The following TEK variants were observed in gnomAD, a reference collection of about 807,000 sequenced individuals.
The protein encoded by TEK is angiopoietin-1 receptor.
A neutral mutation model predicts 131.8 loss-of-function variants in TEK; 43 were observed. The observed-to-expected ratio is 0.33, with a 90% CI of 0.26 to 0.42. The LOEUF is 0.42. Among genes scored for constraint, TEK ranks in the 10% least tolerant of loss-of-function variants. The pLI is 1.00. For missense variants in TEK, 1,162 were observed against 1,384.4 expected, an observed-to-expected ratio of 0.84 and a Z score of 2.55; for synonymous variants, 580 against 491.6, an observed-to-expected ratio of 1.18 and a Z score of -2.38.
At chr9:27,136,653 C>T (rs1018242245) in intron 1 of TEK, among the ~76,000 whole-genome samples, 18 of 151,924 alleles carry the variant, frequency 1.2e-4, no homozygotes, top group East Asian at 1.9e-4. Flanking sequence ...ACTGAACTGA[C>T]GACTGGAGAC....
intron 21 of TEK, among the ~76,000 whole-genome samples, chr9:27,224,088 A>G (rs1826204733): frequency 6.6e-6 from 1 of 152,244 alleles, no homozygotes; most frequent in South Asian, 2.1e-4. Context: ...GTCGAAGACC[A>G]GTAACAAGTT....
In TEK at chr9:27,228,175, G is replaced by A. The variant is rs190765645; in HGVS notation, c.3201-31G>A. 173 of 1,575,640 alleles carry A rather than the reference G, an allele frequency of 1.1e-4. No individual in the cohort carries two copies. The East Asian group carries it at 2.7e-3, about 24-fold the overall frequency. ...TGCCTAGGACTGAAGCACAGTTATA[G>A]AATTAACCCTTTAATTCTTTGCTTT... On this transcript the variant is annotated intron_variant, in intron 21 of 22. Coordinates refer to ENST00000380036, the MANE Select transcript of TEK (RefSeq NM_000459.5).
chr9:27,220,754 A>G (rs1391520739), intron 21 of TEK, among the ~76,000 whole-genome samples: 3 of 152,202 alleles, frequency 2.0e-5, no homozygotes, highest in Admixed American at 1.3e-4. Flanking sequence ...CAGCCCAGAT[A>G]CTAAGCTTTT....
At chr9:27,145,690 A>T (rs1479123757) in intron 1 of TEK, among the ~76,000 whole-genome samples, 1 of 152,248 alleles carries the variant, frequency 6.6e-6, no homozygotes, top group East Asian at 1.9e-4. Context: ...AAGATGTATT[A>T]CTTTCAGTTA....
chr9:27,178,276 G>T (rs1824241866), intron 6 of TEK, among the ~76,000 whole-genome samples: 1 of 151,942 alleles, frequency 6.6e-6, no homozygotes, highest in African/African-American at 2.4e-5. Flanking sequence ...CTGTAAATGT[G>T]TAAATTTATT....
chr9:27,114,535 C>T (rs1821472260), intron 1 of TEK, among the ~76,000 whole-genome samples: 1 of 151,646 alleles, frequency 6.6e-6, no homozygotes, highest in Admixed American at 6.6e-5. Flanking sequence ...TATGCCACTG[C>T]ACTCGAGCCT....
At chr9:27,182,019 G>C (rs947414255) in intron 7 of TEK, among the ~76,000 whole-genome samples, 6 of 152,030 alleles carry the variant, frequency 3.9e-5, no homozygotes, top group Admixed American at 3.3e-4. Context: ...CTTTTGCCAA[G>C]CCTGGACTTT....
At position 27,229,330 on chromosome 9, in the gene TEK, TAA is replaced by T; in HGVS notation, c.*99_*100del. The T allele has an allele frequency of 1.7e-6, 2 of 1,153,494 alleles. No homozygotes were observed. Among genetic ancestry groups the T allele is most frequent in the Non-Finnish European group, 2.6e-6 (2 of 764,658 alleles). The allele number at this position is 1,153,494 out of a possible 1,614,324, so 71.5% of individuals were successfully genotyped here. A position where few individuals can be genotyped will look rare whatever the true frequency, so the allele number is the denominator to read the frequency against. ...TGCCTCTGCCAAAGGATGTGATATA[TAA>T]GTGTACATATGTGCTGTACACCTGG... On this transcript the variant is annotated 3_prime_UTR_variant, in exon 23 of 23. Transcript: ENST00000380036.
Position 27,229,994 on chromosome 9 carries a change from G to A in TEK, c.*762G>A, listed in dbSNP as rs1826501441. 6.6e-6 allele frequency: 1 copy of A among 152,220 alleles called. No individual in the cohort carries two copies. 9.4% of individuals were successfully genotyped at this position (152,220 alleles called of 1,614,324 possible). The stretch of plus-strand genomic sequence containing the variant: ...GACTTGTATATTTTAAGAAATAACA[G>A]AAAGCCTGGGTGACATTTGGGAGAC... On this transcript the variant is annotated 3_prime_UTR_variant, in exon 23 of 23. Coordinates refer to ENST00000380036, the MANE Select transcript of TEK (RefSeq NM_000459.5).
Position 27,192,577 on chromosome 9 carries a change from G to T in TEK, c.1578G>T (p.Gly526=). ...AACTGGTCCGTCGTGGAGAGGGTGGGGAAGGGCATCCTGGACCTGTGAGAC... is the reference window on the plus strand; with the variant it reads ...AACTGGTCCGTCGTGGAGAGGGTGGTGAAGGGCATCCTGGACCTGTGAGAC... ...CVQLVRRGEG[G]EGHPGPVRRF... Residue 526 remains glycine, a synonymous_variant, in exon 11 of 23, where the codon GGG becomes GGT. Coordinates refer to ENST00000380036, the MANE Select transcript of TEK (RefSeq NM_000459.5). 6.2e-7 allele frequency: 1 copy of T among 1,613,938 alleles called. No individual in the cohort carries two copies. The highest frequency in any genetic ancestry group is 8.5e-7 in the Non-Finnish European group (1 of 1,179,942).
intron 1 of TEK, among the ~76,000 whole-genome samples, chr9:27,123,997 G>C (rs559542335): frequency 6.6e-6 from 1 of 152,346 alleles, no homozygotes; most frequent in African/African-American, 2.4e-5. Flanking sequence ...GGCTGGTCTT[G>C]AACTCCTGAC....
intron 1 of TEK, among the ~76,000 whole-genome samples, chr9:27,149,642 C>G (rs1438309442): frequency 6.6e-6 from 1 of 152,138 alleles, no homozygotes; most frequent in Non-Finnish European, 1.5e-5. Flanking sequence ...CTTGCTTATT[C>G]TCCTCTTTGT....
chr9:27,169,665 AGTTGTTAG>A (rs1823876102), intron 4 of TEK, 36 bp downstream of exon 4: 1 of 1,613,264 alleles, frequency 6.2e-7, no homozygotes, highest in East Asian at 2.2e-5. Flanking sequence ...GTGATGGTGT[AGTTGTTAG>A]GTTGTTAGGA....
At chr9:27,163,914 C>T (rs1823630767) in intron 2 of TEK, among the ~76,000 whole-genome samples, 1 of 152,228 alleles carries the variant, frequency 6.6e-6, no homozygotes, top group Non-Finnish European at 1.5e-5. Context: ...CTACCACCTA[C>T]TTTCTTCTCC....
intron 16 of TEK, among the ~76,000 whole-genome samples, chr9:27,209,795 A>G (rs1825536104): frequency 6.6e-6 from 1 of 152,114 alleles, no homozygotes; most frequent in African/African-American, 2.4e-5. Flanking sequence ...ACATGCATTT[A>G]AAGTTAAATT....
intron 2 of TEK, among the ~76,000 whole-genome samples, chr9:27,158,557 T>C (rs1011937220): frequency 1.3e-5 from 2 of 152,176 alleles, no homozygotes; most frequent in Non-Finnish European, 2.9e-5. Flanking sequence ...TAATGGAAGT[T>C]AATATTTTCA....
chr9:27,221,180 C>A (rs377033589), intron 21 of TEK, among the ~76,000 whole-genome samples: 1 of 152,154 alleles, frequency 6.6e-6, no homozygotes, highest in African/African-American at 2.4e-5. Flanking sequence ...TGGAGCCCAC[C>A]GCCGCTCCTC....
At chr9:27,217,599 A>C in intron 18 of TEK, 89 bp from the exon 19 acceptor site, 2 of 1,138,230 alleles carry the variant, frequency 1.8e-6, no homozygotes, top group South Asian at 2.5e-5. Flanking sequence ...TCTACCCAGC[A>C]ATCATTTGTG....
At chr9:27,162,088 T>C (rs1186934867) in intron 2 of TEK, among the ~76,000 whole-genome samples, 1 of 152,240 alleles carries the variant, frequency 6.6e-6, no homozygotes, top group Non-Finnish European at 1.5e-5. Context: ...TCTGTTTTTC[T>C]TGCTGACCAT....
Sources: allele counts gnomAD v4.1 joint callset (sites outside exome capture counted in the v4.1 genomes callset), GRCh38; gene constraint gnomAD v4.1.1; transcripts MANE v1.5; gene names NCBI Gene and HGNC (gene_info 2026-07-23, HGNC 2026-07-21).